The following PCDHA9 variants were observed in gnomAD, a reference collection of about 807,000 sequenced individuals.
PCDHA9 encodes protocadherin alpha 9.
A neutral mutation model predicts 62.0 loss-of-function variants in PCDHA9; 62 were observed. That is an observed-to-expected ratio of 1.00 (90% CI 0.81 to 1.23). The LOEUF (loss-of-function observed/expected upper bound fraction) is 1.23. Ranked by LOEUF, PCDHA9 falls within the 50% of genes most tolerant of loss-of-function variation. The pLI is 0.00. For synonymous variants in PCDHA9, 557 were observed against 567.6 expected (o/e 0.98, Z 0.27); for missense variants, 1,205 against 1,249.8 (o/e 0.96, Z 0.54).
intron 1 of PCDHA9, among the ~76,000 whole-genome samples, chr5:140,954,686 G>T (rs962904413): frequency 6.6e-6 from 1 of 152,024 alleles, no homozygotes; most frequent in African/African-American, 2.4e-5. Context: ...TTGTCAGATG[G>T]ATAGACTACA....
At chr5:140,894,141 C>G (rs552932940) in intron 1 of PCDHA9, among the ~76,000 whole-genome samples, 169 of 152,150 alleles carry the variant, frequency 1.1e-3, no homozygotes, top group African/African-American at 3.9e-3. Context: ...AAATAATTCC[C>G]TTCTATGTAA....
chr5:140,911,729 C>G (rs571299791), intron 1 of PCDHA9, among the ~76,000 whole-genome samples: 1 of 152,134 alleles, frequency 6.6e-6, no homozygotes, highest in Non-Finnish European at 1.5e-5. Flanking sequence ...GTAAACAGTT[C>G]GTGCCAAGGA....
At chr5:140,923,112 T>C (rs1159250649) in intron 1 of PCDHA9, among the ~76,000 whole-genome samples, 2 of 152,144 alleles carry the variant, frequency 1.3e-5, no homozygotes, top group Non-Finnish European at 2.9e-5. Flanking sequence ...TGATTTTAAG[T>C]TTTTAGGGTC....
At chr5:140,945,142 A>G (rs2093746990) in intron 1 of PCDHA9, among the ~76,000 whole-genome samples, 1 of 152,184 alleles carries the variant, frequency 6.6e-6, no homozygotes. Context: ...AATCAATAGC[A>G]TTTCTATACA....
At chr5:140,952,410 T>C (rs2094741343) in intron 1 of PCDHA9, among the ~76,000 whole-genome samples, 1 of 151,978 alleles carries the variant, frequency 6.6e-6, no homozygotes, top group Non-Finnish European at 1.5e-5. Flanking sequence ...TCAAATTTAA[T>C]GTTCCGCAGA....
At chr5:140,947,610 C>T (rs989640335) in intron 1 of PCDHA9, among the ~76,000 whole-genome samples, 3 of 151,562 alleles carry the variant, frequency 2.0e-5, no homozygotes, top group South Asian at 2.1e-4. Flanking sequence ...GATTTGGTAT[C>T]TTAACAATAT....
intron 1 of PCDHA9, chr5:140,876,746 T>C (rs1411489174): frequency 3.7e-6 from 6 of 1,614,098 alleles, no homozygotes; most frequent in Admixed American, 3.3e-5. Flanking sequence ...GAGCTGGTGG[T>C]GACTGCGCGG....
At chr5:140,966,425 G>A in intron 1 of PCDHA9, 1 of 421,678 alleles carries the variant, frequency 2.4e-6, no homozygotes, top group South Asian at 9.9e-5. Flanking sequence ...GACTTGCTGA[G>A]CCCTCCTACC....
At chr5:140,886,921 C>T (rs778306326) in intron 1 of PCDHA9, among the ~76,000 whole-genome samples, 2 of 151,406 alleles carry the variant, frequency 1.3e-5, no homozygotes, top group African/African-American at 4.9e-5. Context: ...TGAGTGTTCT[C>T]TATGTGCCAG....
chr5:140,875,698 G>C (rs2055722414), intron 1 of PCDHA9: 1 of 1,614,084 alleles, frequency 6.2e-7, no homozygotes, highest in African/African-American at 1.3e-5. Context: ...GGACCTTCTG[G>C]AGGTAAATCT....
At chr5:140,976,298 C>A (rs2096709941) in intron 1 of PCDHA9, among the ~76,000 whole-genome samples, 1 of 152,036 alleles carries the variant, frequency 6.6e-6, no homozygotes, top group African/African-American at 2.4e-5. Context: ...AGCCTGTAAT[C>A]CCAGCACTTT....
intron 1 of PCDHA9, among the ~76,000 whole-genome samples, chr5:140,942,396 A>G (rs1172739397): frequency 6.6e-6 from 1 of 151,922 alleles, no homozygotes; most frequent in Admixed American, 6.6e-5. Flanking sequence ...TGGGCGACAG[A>G]TGAGACTCTG....
intron 1 of PCDHA9, among the ~76,000 whole-genome samples, chr5:140,973,877 A>G (rs782563295): frequency 6.6e-6 from 1 of 152,234 alleles, no homozygotes; most frequent in Non-Finnish European, 1.5e-5. Context: ...AGGTCAGAAT[A>G]ATGTCAATTT....
rs782339436 is a variant in PCDHA9, at chr5:140,928,591, G to A, written c.2395-50358G>A. The A allele has an allele frequency of 3.1e-6, 5 of 1,614,230 alleles. No individual in the cohort carries two copies. The South Asian group carries it at 5.5e-5, about 18-fold the overall frequency. ...CTTGCCCAGAAATGGTTCTGTCCCA[G>A]TGGAAATTGTGCCCCGCTCTGCCAG... On this transcript the variant is annotated intron_variant, in intron 1 of 3. Coordinates refer to ENST00000532602, the MANE Select transcript of PCDHA9 (RefSeq NM_031857.2).
rs781872854 is a variant in PCDHA9 at position 140,856,136 on chromosome 5, C to T, written c.2394+5247C>T. On this transcript the variant is annotated intron_variant, in intron 1 of 3. Coordinates refer to ENST00000532602, the MANE Select transcript of PCDHA9 (RefSeq NM_031857.2). ...AGCCTGGGAGGTGGGGAGCGGCCAGCTCCACTACTCAGTCTACGAGGAGGC... is the reference window on the plus strand; with the variant it reads ...AGCCTGGGAGGTGGGGAGCGGCCAGTTCCACTACTCAGTCTACGAGGAGGC... 28 of 1,598,232 alleles carry T rather than the reference C, an allele frequency of 1.8e-5. 1 individual carries two copies. Among genetic ancestry groups the T allele is most frequent in the Non-Finnish European group, 2.4e-5 (28 of 1,167,860 alleles).
intron 1 of PCDHA9, among the ~76,000 whole-genome samples, chr5:140,973,346 T>C (rs1554235179): frequency 1.3e-5 from 2 of 152,198 alleles, no homozygotes; most frequent in Non-Finnish European, 2.9e-5. Flanking sequence ...AGTGACATAG[T>C]AGTGAATTTA....
At chr5:140,880,620 A>C (rs2058397773) in intron 1 of PCDHA9, among the ~76,000 whole-genome samples, 1 of 152,170 alleles carries the variant, frequency 6.6e-6, no homozygotes, top group Non-Finnish European at 1.5e-5. Context: ...AAGAGGGAGG[A>C]GTTAATTATC....
At chr5:140,927,721 C>G in intron 1 of PCDHA9, 1 of 1,614,204 alleles carries the variant, frequency 6.2e-7, no homozygotes, top group Non-Finnish European at 8.5e-7. Flanking sequence ...CAACAGCACG[C>G]AAGCAGAGCT....
intron 1 of PCDHA9, chr5:140,927,901 GC>G (rs1423958386): frequency 3.1e-6 from 5 of 1,614,084 alleles, no homozygotes; most frequent in Non-Finnish European, 4.2e-6. Context: ...GAACGATCAT[GC>G]CCCCGAACTG....
Sources: allele counts gnomAD v4.1 joint callset (sites outside exome capture counted in the v4.1 genomes callset), GRCh38; gene constraint gnomAD v4.1.1; transcripts MANE v1.5; gene names NCBI Gene and HGNC (gene_info 2026-07-23, HGNC 2026-07-21).